BMPR1B: variants seen among roughly 807,000 people sequenced by gnomAD.
The protein encoded by BMPR1B is bone morphogenetic protein receptor type-1B.
Under a neutral mutation model 59.1 loss-of-function variants are expected in BMPR1B, and 12 were observed. The ratio of observed to expected loss-of-function variants is 0.20; its 90% CI spans 0.13 to 0.33. The LOEUF (loss-of-function observed/expected upper bound fraction) is 0.33. Ranked by LOEUF, BMPR1B falls within the 10% of genes least tolerant of loss-of-function variation. BMPR1B has a pLI of 1.00. For missense variants in BMPR1B, 550 were observed against 610.9 expected (o/e 0.90, Z 1.05); for synonymous variants, 237 against 207.3 (o/e 1.14, Z -1.23).
intron 3 of BMPR1B, among the ~76,000 whole-genome samples, chr4:94,996,941 G>A (rs1722102391): frequency 6.6e-6 from 1 of 152,042 alleles, no homozygotes. Context: ...TCATATTCTG[G>A]ATTATCATTA....
chr4:95,026,134 C>CTTTCTTTCTTTCTTTCTTTCTT (rs1724386931), intron 3 of BMPR1B, among the ~76,000 whole-genome samples: 1 of 147,612 alleles, frequency 6.8e-6, no homozygotes, highest in South Asian at 2.2e-4. Context: ...TTCTTTCTTT[C>CTTTCTTTCTTTCTTTCTTTCTT]TTTCTTTCTT....
chr4:94,932,627 A>C (rs974992524), intron 2 of BMPR1B, among the ~76,000 whole-genome samples: 4 of 152,172 alleles, frequency 2.6e-5, no homozygotes, highest in Non-Finnish European at 5.9e-5. Context: ...TGTCAAATAC[A>C]TACCCACATA....
chr4:94,983,895 G>A (rs903147065), intron 2 of BMPR1B, among the ~76,000 whole-genome samples: 1 of 152,206 alleles, frequency 6.6e-6, no homozygotes. Flanking sequence ...CAGGGATTGT[G>A]TCTAGAGTGC....
chr4:94,994,749 G>T (rs991400453), intron 2 of BMPR1B, among the ~76,000 whole-genome samples: 8 of 151,534 alleles, frequency 5.3e-5, no homozygotes, highest in African/African-American at 1.9e-4. Context: ...TTCTATGCTG[G>T]TTATTTTTCT....
chr4:94,876,098 A>G (rs1012487763), intron 2 of BMPR1B, among the ~76,000 whole-genome samples, 198 bp downstream of exon 2: 1 of 152,228 alleles, frequency 6.6e-6, no homozygotes, highest in Non-Finnish European at 1.5e-5. Context: ...CAACATGACA[A>G]GGTGGATGTG....
chr4:94,955,951 A>G (rs538492444), intron 2 of BMPR1B, among the ~76,000 whole-genome samples: 3 of 152,228 alleles, frequency 2.0e-5, no homozygotes, highest in East Asian at 3.9e-4. Context: ...AATTCTTGCA[A>G]TAGGTCTCTG....
At chr4:94,934,727 GT>G (rs1729225501) in intron 2 of BMPR1B, among the ~76,000 whole-genome samples, 2 of 152,094 alleles carry the variant, frequency 1.3e-5, no homozygotes, top group South Asian at 4.1e-4. Flanking sequence ...GGAATTAATA[GT>G]TTTTTCCCCC....
chr4:94,954,653 A>G (rs970306058), intron 2 of BMPR1B, among the ~76,000 whole-genome samples: 4 of 152,200 alleles, frequency 2.6e-5, no homozygotes, highest in African/African-American at 9.7e-5. Context: ...TTATGAGCTG[A>G]GTGATCTTGG....
At chr4:94,982,913 AG>A (rs1275579497) in intron 2 of BMPR1B, among the ~76,000 whole-genome samples, 4 of 151,862 alleles carry the variant, frequency 2.6e-5, no homozygotes, top group Admixed American at 1.3e-4. Context: ...TGAACCCGGG[AG>A]GCGGAGATTG....
At chr4:94,898,015 T>C (rs998483406) in intron 2 of BMPR1B, among the ~76,000 whole-genome samples, 2 of 147,490 alleles carry the variant, frequency 1.4e-5, no homozygotes, top group African/African-American at 5.0e-5. Flanking sequence ...GGCACAGTCA[T>C]GGCTCACTGC....
At chr4:94,826,671 A>G (rs1724394818) in intron 1 of BMPR1B, among the ~76,000 whole-genome samples, 1 of 86,394 alleles carries the variant, frequency 1.2e-5, no homozygotes, top group Non-Finnish European at 2.2e-5. Context: ...TAAAAATGGA[A>G]ACATGCATAA....
intron 1 of BMPR1B, among the ~76,000 whole-genome samples, chr4:94,848,698 T>A (rs1324205509): frequency 1.3e-5 from 2 of 152,126 alleles, no homozygotes. Context: ...GCTGCATGGA[T>A]AGGAATGTTA....
intron 1 of BMPR1B, among the ~76,000 whole-genome samples, chr4:94,867,850 G>A (rs765508487): frequency 4.0e-5 from 6 of 151,800 alleles, no homozygotes; most frequent in African/African-American, 4.8e-5. Context: ...TAAGATCACC[G>A]TTTCTTTTTT....
At chr4:95,033,890 C>T (rs1023696910) in intron 3 of BMPR1B, among the ~76,000 whole-genome samples, 4 of 152,034 alleles carry the variant, frequency 2.6e-5, no homozygotes, top group African/African-American at 7.2e-5. Flanking sequence ...AGGAAGATGG[C>T]GTGCATAATT....
At chr4:95,093,724 G>T (rs931281614) in intron 3 of BMPR1B, among the ~76,000 whole-genome samples, 30 of 152,054 alleles carry the variant, frequency 2.0e-4, no homozygotes, top group African/African-American at 7.0e-4. Context: ...CATAACCCGG[G>T]TGATGTGTAA....
At chr4:94,992,057 A>T (rs2149098701) in intron 2 of BMPR1B, among the ~76,000 whole-genome samples, 1 of 152,258 alleles carries the variant, frequency 6.6e-6, no homozygotes, top group East Asian at 1.9e-4. Flanking sequence ...CCATGTTCCA[A>T]AGTTGCCCTC....
At chr4:95,124,689 G>A (rs980132594) in intron 7 of BMPR1B, among the ~76,000 whole-genome samples, 2 of 151,950 alleles carry the variant, frequency 1.3e-5, no homozygotes, top group Non-Finnish European at 2.9e-5. Context: ...AACACTAGTA[G>A]AATGTAGTCT....
chr4:95,028,956 T>C (rs1724614555), intron 3 of BMPR1B, among the ~76,000 whole-genome samples: 1 of 152,030 alleles, frequency 6.6e-6, no homozygotes, highest in Admixed American at 6.6e-5. Context: ...TACAGATTTA[T>C]CAACAAGTAA....
intron 3 of BMPR1B, among the ~76,000 whole-genome samples, chr4:95,014,989 T>A (rs1232933854): frequency 6.6e-6 from 1 of 152,148 alleles, no homozygotes; most frequent in Admixed American, 6.5e-5. Context: ...GGCTTGCAGG[T>A]GTGGTCCATG....
Sources: gnomAD v4.1 joint callset for allele counts (sites outside exome capture counted in the v4.1 genomes callset) on GRCh38, gnomAD v4.1.1 for gene constraint, MANE v1.5 for transcripts, NCBI Gene and HGNC (gene_info 2026-07-23, HGNC 2026-07-21) for gene names.